The following SAMD5 variants were observed in gnomAD, a reference collection of about 807,000 sequenced individuals.
SAMD5 encodes the protein sterile alpha motif domain-containing protein 5.
SAMD5 carries 13 observed loss-of-function variants against 11.3 expected under a neutral mutation model. The ratio of observed to expected loss-of-function variants is 1.15; its 90% CI spans 0.75 to 1.83. The LOEUF is 1.83. Ranked by LOEUF, SAMD5 falls within the 40% of genes most tolerant of loss-of-function variation. The probability of loss-of-function intolerance (pLI) is 0.00; values close to 1 mark genes in which losing one functional copy is unlikely to be tolerated. For synonymous variants in SAMD5, 129 were observed against 111.3 expected (o/e 1.16, Z -1.00); for missense variants, 255 against 239.1 (o/e 1.07, Z -0.44).
Position 147,509,343 on chromosome 6 carries a change from G to T in SAMD5, c.415G>T (p.Val139Phe), listed in dbSNP as rs1252446556. The T allele has an allele frequency of 3.8e-6, 6 of 1,578,848 alleles. No individual in the cohort carries two copies. Among genetic ancestry groups the T allele is most frequent in the African/African-American group, 2.7e-5 (2 of 72,780 alleles). The part of the protein sequence containing the change: ...KLKIMIRDKL[V>F]RDGIHLSKPP... The stretch of plus-strand genomic sequence containing the variant: ...GAAGATCATGATCAGGGATAAGCTC[G>T]TCCGTGACGGCATCCACCTGAGCAA... The change falls in exon 1 of 2, where the codon GTC (valine) becomes TTC (phenylalanine). Residue 139 changes from valine to phenylalanine, a missense_variant. Val to Phe is a conservative substitution (Grantham distance 50). Transcript: ENST00000367474.
In SAMD5 at chr6:147,567,562, T is replaced by C. The variant is rs1028732716; in HGVS notation, c.*3106T>C. 4.5e-6 allele frequency: 4 copies of C among 895,068 alleles called. No individual in the cohort carries two copies. Among genetic ancestry groups the C allele is most frequent in the Non-Finnish European group, 4.0e-6 (3 of 747,838 alleles). The allele number at this position is 895,068 out of a possible 1,614,324, so 55.4% of individuals were successfully genotyped here. On this transcript the variant is annotated 3_prime_UTR_variant, in exon 2 of 2. Transcript: ENST00000367474. Reference sequence around the variant, plus strand: ...GAAAAATAAATACCTCTATAGCTCTTAAGAGGCTTAAGAGTTCTATGGCTT... The same window carrying C: ...GAAAAATAAATACCTCTATAGCTCTCAAGAGGCTTAAGAGTTCTATGGCTT...
chr6:147,718,553 G>A (rs1791499992), intron 1 of SAMD5, among the ~76,000 whole-genome samples: 1 of 152,118 alleles, frequency 6.6e-6, no homozygotes, highest in Non-Finnish European at 1.5e-5. Context: ...AAAGAATAGA[G>A]CTCTATTGGG....
At chr6:147,563,515 C>T (rs146937999) in intron 1 of SAMD5, among the ~76,000 whole-genome samples, 1 of 152,166 alleles carries the variant, frequency 6.6e-6, no homozygotes, top group African/African-American at 2.4e-5. Context: ...ACTCAGGCAT[C>T]CTTCTTCCTT....
chr6:147,922,733 A>G, the SAMD5 span, among the ~76,000 whole-genome samples: 3 of 152,238 alleles, frequency 2.0e-5, no homozygotes, highest in African/African-American at 7.2e-5. Context: ...CAAGGGGTGT[A>G]GTTAATTTCT....
intron 1 of SAMD5, among the ~76,000 whole-genome samples, chr6:147,629,438 CA>C (rs1185504819): frequency 1.3e-5 from 2 of 152,096 alleles, no homozygotes; most frequent in African/African-American, 4.8e-5. Flanking sequence ...GGATGAAATT[CA>C]GTGGGGATGG....
At chr6:147,781,426 C>T in the SAMD5 span, among the ~76,000 whole-genome samples, 1 of 152,098 alleles carries the variant, frequency 6.6e-6, no homozygotes, top group Non-Finnish European at 1.5e-5. Context: ...GCAAACTTTC[C>T]TGTTTTACTT....
the SAMD5 span, among the ~76,000 whole-genome samples, chr6:147,921,931 A>G: frequency 6.6e-6 from 1 of 152,196 alleles, no homozygotes; most frequent in African/African-American, 2.4e-5. Flanking sequence ...ACACAAGCAA[A>G]GGATAGAAGT....
the SAMD5 span, among the ~76,000 whole-genome samples, chr6:147,870,486 A>G: frequency 6.5e-3 from 953 of 146,458 alleles, 12 homozygotes; most frequent in African/African-American, 0.022. Context: ...GTGTGTGTAT[A>G]TATATATGTA....
chr6:147,782,334 C>G, the SAMD5 span, among the ~76,000 whole-genome samples: 1 of 152,208 alleles, frequency 6.6e-6, no homozygotes, highest in Non-Finnish European at 1.5e-5. Flanking sequence ...CAGATACATT[C>G]TTTCTTCACT....
chr6:147,645,045 G>A (rs1459003615), intron 1 of SAMD5, among the ~76,000 whole-genome samples: 14 of 152,182 alleles, frequency 9.2e-5, no homozygotes, highest in Admixed American at 9.2e-4. Context: ...CCAAACATCA[G>A]AGAGCATGCA....
the SAMD5 span, among the ~76,000 whole-genome samples, chr6:147,928,242 C>T: frequency 5.5e-4 from 83 of 152,100 alleles, no homozygotes; most frequent in African/African-American, 1.6e-3. Flanking sequence ...ATGGTACCAG[C>T]GCTTCTTTGT....
downstream of SAMD5, among the ~76,000 whole-genome samples, chr6:147,574,086 C>T (rs191265544): frequency 6.6e-6 from 1 of 151,858 alleles, no homozygotes; most frequent in Non-Finnish European, 1.5e-5. Flanking sequence ...TGAGATCGCG[C>T]CACTGCACTC....
At chr6:147,890,315 A>G in the SAMD5 span, among the ~76,000 whole-genome samples, 1 of 152,116 alleles carries the variant, frequency 6.6e-6, no homozygotes, top group Admixed American at 6.6e-5. Flanking sequence ...ACTTGACCTA[A>G]TTAATCAACA....
chr6:147,810,213 T>C, the SAMD5 span, among the ~76,000 whole-genome samples: 1 of 152,234 alleles, frequency 6.6e-6, no homozygotes, highest in Non-Finnish European at 1.5e-5. Context: ...TTATATTGCA[T>C]AGGTATATTC....
the SAMD5 span, among the ~76,000 whole-genome samples, chr6:147,868,616 G>A: frequency 3.3e-5 from 5 of 152,170 alleles, no homozygotes; most frequent in Non-Finnish European, 5.9e-5. Flanking sequence ...GTGGTGTACT[G>A]GAAATATGAA....
chr6:147,632,496 G>A (rs1186814424), intron 1 of SAMD5, among the ~76,000 whole-genome samples: 1 of 152,172 alleles, frequency 6.6e-6, no homozygotes, highest in Non-Finnish European at 1.5e-5. Context: ...GATTTTGGAA[G>A]TTATGAGAAC....
At chr6:147,823,375 A>G in the SAMD5 span, among the ~76,000 whole-genome samples, 1 of 152,182 alleles carries the variant, frequency 6.6e-6, no homozygotes, top group African/African-American at 2.4e-5. Context: ...GATTCCTAAA[A>G]TTAAGAACTA....
At chr6:147,607,857 G>A (rs554686594) in intron 1 of SAMD5, among the ~76,000 whole-genome samples, 1 of 151,974 alleles carries the variant, frequency 6.6e-6, no homozygotes, top group Non-Finnish European at 1.5e-5. Context: ...CCACAGAATG[G>A]GAGAGAATAT....
chr6:147,517,733 C>A (rs1788193366), intron 1 of SAMD5, among the ~76,000 whole-genome samples: 1 of 152,110 alleles, frequency 6.6e-6, no homozygotes, highest in Admixed American at 6.5e-5. Flanking sequence ...TCAGTGGTGG[C>A]AAGCCTTCAT....
Sources: allele counts gnomAD v4.1 joint callset (sites outside exome capture counted in the v4.1 genomes callset), GRCh38; gene constraint gnomAD v4.1.1; transcripts MANE v1.5; gene names NCBI Gene and HGNC (gene_info 2026-07-23, HGNC 2026-07-21).